The following FUT8 variants were observed in gnomAD, a reference collection of about 807,000 sequenced individuals.
FUT8 encodes alpha-(1,6)-fucosyltransferase.
A neutral mutation model predicts 71.3 loss-of-function variants in FUT8; 29 were observed. The observed-to-expected ratio is 0.41, with a 90% CI of 0.30 to 0.55. The LOEUF is 0.55. Ranked by LOEUF, FUT8 falls within the 20% of genes least tolerant of loss-of-function variation. The pLI, the probability that FUT8 is intolerant of heterozygous loss-of-function variation, is 0.34. For synonymous variants in FUT8, 254 were observed against 239.3 expected (o/e 1.06, Z -0.57); for missense variants, 544 against 702.1 (o/e 0.77, Z 2.55).
At chr14:65,471,909 A>G (rs2066153034) in intron 2 of FUT8, among the ~76,000 whole-genome samples, 1 of 152,176 alleles carries the variant, frequency 6.6e-6, no homozygotes, top group South Asian at 2.1e-4. Context: ...AGTATTGTTC[A>G]TTAAGAATTT....
intron 3 of FUT8, among the ~76,000 whole-genome samples, chr14:65,602,341 TCTCACACACACACACACA>T (rs1176079403): frequency 0.01 from 511 of 50,058 alleles, 21 homozygotes; most frequent in East Asian, 0.054. Flanking sequence ...GCGTTCCATC[TCTCACACACACACACACA>T]CACACACACA....
At chr14:65,504,357 G>A (rs945443012) in intron 2 of FUT8, among the ~76,000 whole-genome samples, 8 of 152,118 alleles carry the variant, frequency 5.3e-5, no homozygotes, top group African/African-American at 1.7e-4. Context: ...GAATGGTTTT[G>A]TGTGGGATAT....
chr14:65,404,738 G>T, the FUT8 span, among the ~76,000 whole-genome samples: 5 of 152,188 alleles, frequency 3.3e-5, no homozygotes, highest in Admixed American at 6.5e-5. Flanking sequence ...CTCCCCAAGT[G>T]CTGGGATTAC....
intron 2 of FUT8, among the ~76,000 whole-genome samples, chr14:65,478,731 A>G (rs1021846703): frequency 2.6e-5 from 4 of 152,178 alleles, no homozygotes; most frequent in African/African-American, 9.7e-5. Flanking sequence ...ATCTCTAACT[A>G]GTGTCTTTCC....
intron 3 of FUT8, 47 bp downstream of exon 3, chr14:65,561,813 G>C: frequency 6.7e-7 from 1 of 1,497,206 alleles, no homozygotes; most frequent in Non-Finnish European, 9.3e-7. Context: ...ATTGTACTTT[G>C]TTTTTAGGTG....
intron 3 of FUT8, among the ~76,000 whole-genome samples, chr14:65,575,440 A>T (rs1035425287): frequency 6.6e-6 from 1 of 152,162 alleles, no homozygotes; most frequent in Non-Finnish European, 1.5e-5. Flanking sequence ...AGCTGTGAGT[A>T]CAGAAAATCC....
chr14:65,464,454 A>G (rs190183659), intron 2 of FUT8, among the ~76,000 whole-genome samples: 48 of 152,108 alleles, frequency 3.2e-4, no homozygotes, highest in Admixed American at 4.6e-4. Context: ...CGGGGAAAGG[A>G]TCTGGTTTCT....
intron 2 of FUT8, among the ~76,000 whole-genome samples, chr14:65,511,426 C>A (rs975287788): frequency 3.3e-5 from 5 of 151,920 alleles, no homozygotes; most frequent in African/African-American, 1.2e-4. Flanking sequence ...TCTATTAGAT[C>A]CGTTTGGTCT....
intron 7 of FUT8, among the ~76,000 whole-genome samples, chr14:65,693,800 C>A (rs183380458): frequency 6.6e-6 from 1 of 152,150 alleles, no homozygotes; most frequent in Non-Finnish European, 1.5e-5. Flanking sequence ...GTAGAATTCA[C>A]CAGTGAAACT....
intron 1 of FUT8, among the ~76,000 whole-genome samples, chr14:65,418,435 C>T (rs1251425428): frequency 1.3e-5 from 2 of 152,158 alleles, no homozygotes; most frequent in Non-Finnish European, 2.9e-5. Context: ...ACAATATTTA[C>T]AAACCATCAA....
chr14:65,673,706 C>T (rs1278679804), intron 7 of FUT8, among the ~76,000 whole-genome samples: 1 of 152,154 alleles, frequency 6.6e-6, no homozygotes, highest in African/African-American at 2.4e-5. Context: ...TAAAAACAAG[C>T]ATCACTTACA....
intron 2 of FUT8, among the ~76,000 whole-genome samples, chr14:65,487,024 T>C (rs1333018557): frequency 6.6e-6 from 1 of 152,200 alleles, no homozygotes; most frequent in Non-Finnish European, 1.5e-5. Flanking sequence ...TTACATAGTT[T>C]AGATGAAAAT....
chr14:65,383,168 TC>T, the FUT8 span, among the ~76,000 whole-genome samples: 1 of 152,198 alleles, frequency 6.6e-6, no homozygotes, highest in Middle Eastern at 3.4e-3. Flanking sequence ...TCCTATTCAT[TC>T]CATCTTTCAC....
At chr14:65,692,096 C>T (rs1468744622) in intron 7 of FUT8, among the ~76,000 whole-genome samples, 65 of 152,132 alleles carry the variant, frequency 4.3e-4, no homozygotes, top group Admixed American at 1.6e-3. Context: ...CATCATGGCC[C>T]GTTCTCAATG....
the FUT8 span, among the ~76,000 whole-genome samples, chr14:65,362,961 CAAAAAAAAA>C: frequency 1.7e-4 from 12 of 69,348 alleles, no homozygotes; most frequent in South Asian, 1.3e-3. Flanking sequence ...GACTCTGTTT[CAAAAAAAAA>C]AAAAAAAAAA....
chr14:65,695,752 A>G (rs953028002), intron 7 of FUT8, among the ~76,000 whole-genome samples: 1 of 151,944 alleles, frequency 6.6e-6, no homozygotes, highest in African/African-American at 2.4e-5. Context: ...AGTTATTGAT[A>G]TAGTTGGGTT....
chr14:65,497,073 C>T (rs1035056609), intron 2 of FUT8, among the ~76,000 whole-genome samples: 1 of 152,140 alleles, frequency 6.6e-6, no homozygotes, highest in African/African-American at 2.4e-5. Context: ...TCCAGCCAGA[C>T]ACTGTGTTAC....
chr14:65,633,501 C>G (rs1373753176), intron 6 of FUT8, among the ~76,000 whole-genome samples: 4 of 152,120 alleles, frequency 2.6e-5, no homozygotes, highest in Non-Finnish European at 5.9e-5. Context: ...TGAGGAGCGT[C>G]TCTGCCCAGC....
chr14:65,677,151 T>TGTGTGTGTGTGTGC lies in FUT8; in HGVS notation c.835+7672_835+7673insTGTGTGTGTGTGCG. On this transcript the variant is annotated intron_variant, in intron 7 of 10. Coordinates refer to ENST00000673929, the MANE Select transcript of FUT8 (RefSeq NM_001371533.1). Reference sequence around the variant, plus strand: ...GTGTGTGTGTGTGTGTGTGTGTGTGTGCGCGCGCGCATGCGCGCGCACGTA... The same window carrying TGTGTGTGTGTGTGC: ...GTGTGTGTGTGTGTGTGTGTGTGTGTGTGTGTGTGTGTGCGCGCGCGCGCATGCGCGCGCACGTA... Among the ~76,000 whole-genome samples, 477 of 110,704 alleles carry TGTGTGTGTGTGTGC rather than the reference T, an allele frequency of 4.3e-3. 1 individual carries two copies. Among genetic ancestry groups the TGTGTGTGTGTGTGC allele is most frequent in the African/African-American group, 6.5e-3 (171 of 26,312 alleles). 72.6% of individuals were successfully genotyped at this position (110,704 alleles called of 152,430 possible). A position where few individuals can be genotyped will look rare whatever the true frequency, so the allele number is the denominator to read the frequency against.
Sources: allele counts gnomAD v4.1 joint callset (sites outside exome capture counted in the v4.1 genomes callset), GRCh38; gene constraint gnomAD v4.1.1; transcripts MANE v1.5; gene names NCBI Gene and HGNC (gene_info 2026-07-23, HGNC 2026-07-21).